Variants in OPRD1 observed in about 807,000 individuals in gnomAD.
OPRD1 encodes delta-type opioid receptor.
Under a neutral mutation model 17.5 loss-of-function variants are expected in OPRD1, and 19 were observed. The observed-to-expected ratio is 1.09, with a 90% CI of 0.76 to 1.60. The LOEUF is 1.60. Ranked by LOEUF, OPRD1 falls within the 40% of genes most tolerant of loss-of-function variation. The pLI is 0.00. For missense variants in OPRD1, 483 were observed against 547.2 expected (o/e 0.88, Z 1.17); for synonymous variants, 256 against 240.9 (o/e 1.06, Z -0.58).
intron 1 of OPRD1, among the ~76,000 whole-genome samples, chr1:28,842,063 TCTGTTGCCCAGG>T (rs1366373251): frequency 6.6e-6 from 1 of 151,744 alleles, no homozygotes; most frequent in Non-Finnish European, 1.5e-5. Flanking sequence ...AGGGTTTCAC[TCTGTTGCCCAGG>T]CTGGAGTGCA....
At position 28,862,563 on chromosome 1, in the gene OPRD1, A is replaced by T. The variant is rs565447055; in HGVS notation, c.578-179A>T. 2.0e-5 allele frequency among the ~76,000 whole-genome samples: 3 copies of T among 151,274 alleles called. No homozygotes were observed. The South Asian group carries it at 6.2e-4, about 31-fold the overall frequency. ...CCTGCTAGGTCTTTACGGATAACTAAGAGTTCACCAAGTACCGAAGCCGAG... is the reference window on the plus strand; with the variant it reads ...CCTGCTAGGTCTTTACGGATAACTATGAGTTCACCAAGTACCGAAGCCGAG... On this transcript the variant is annotated intron_variant, in intron 2 of 2. Coordinates refer to ENST00000234961, the MANE Select transcript of OPRD1 (RefSeq NM_000911.4).
In OPRD1 at chr1:28,815,931, A is replaced by G. The variant is rs2088668976; in HGVS notation, c.227+3321A>G. On this transcript the variant is annotated intron_variant, in intron 1 of 2. Transcript: ENST00000234961. ...ACCAGACATATCTGAGTTCAAAGCCACTTACTTGCTGTGTACTCGGGCTAG... is the reference window on the plus strand; with the variant it reads ...ACCAGACATATCTGAGTTCAAAGCCGCTTACTTGCTGTGTACTCGGGCTAG... Among the ~76,000 whole-genome samples the G allele has an allele frequency of 2.7e-5, 4 of 149,628 alleles. No homozygotes were observed. In the South Asian group the frequency reaches 8.5e-4, roughly 32 times the overall value.
rs908800277 is a variant in OPRD1, at chr1:28,870,012, C to T, written c.*6729C>T. On this transcript the variant is annotated 3_prime_UTR_variant, in exon 3 of 3. Transcript: ENST00000234961. ...CATTTCTCAGTCATGGATGACAGCA[C>T]TTAGCTGATGAGAAGTTGAGAAGAT... The T allele has an allele frequency of 6.6e-6, 1 of 152,136 alleles. No homozygotes were observed. The highest frequency in any genetic ancestry group is 1.5e-5 in the Non-Finnish European group (1 of 68,042). The allele number at this position is 152,136 out of a possible 1,614,324, so 9.4% of individuals were successfully genotyped here. A position where few individuals can be genotyped will look rare whatever the true frequency, so the allele number is the denominator to read the frequency against.
chr1:28,850,935 T>C (rs1336077129), intron 1 of OPRD1, among the ~76,000 whole-genome samples: 1 of 151,738 alleles, frequency 6.6e-6, no homozygotes, highest in Non-Finnish European at 1.5e-5. Flanking sequence ...GGAGGCCCAA[T>C]ATCTGACTAA....
intron 1 of OPRD1, among the ~76,000 whole-genome samples, chr1:28,855,538 T>C (rs1336913708): frequency 6.7e-6 from 1 of 148,304 alleles, no homozygotes; most frequent in East Asian, 2.0e-4. Flanking sequence ...GGACGGGGCG[T>C]GGCTGTGGGT....
chr1:28,846,618 G>A (rs2088945811), intron 1 of OPRD1, among the ~76,000 whole-genome samples: 1 of 151,684 alleles, frequency 6.6e-6, no homozygotes. Context: ...AGGAGGTGGA[G>A]GTTGCAGTGA....
Position 28,868,682 on chromosome 1 carries a change from A to C in OPRD1, c.*5399A>C, listed in dbSNP as rs977713693. 1.3e-5 allele frequency: 2 copies of C among 152,068 alleles called. No individual in the cohort carries two copies. Among genetic ancestry groups the C allele is most frequent in the African/African-American group, 4.8e-5 (2 of 41,362 alleles). 9.4% of individuals were successfully genotyped at this position (152,068 alleles called of 1,614,324 possible). ...TGGTGAAACCCTGTCTGTACTAAAA[A>C]CACAAAAATTAGCCAGGCGTGGTGG... On this transcript the variant is annotated 3_prime_UTR_variant, in exon 3 of 3. Transcript: ENST00000234961.
intron 2 of OPRD1, 37 bp downstream of exon 2, chr1:28,859,340 C>CCACAA: frequency 6.4e-7 from 1 of 1,558,144 alleles, no homozygotes; most frequent in Non-Finnish European, 8.7e-7. Flanking sequence ...AGGCCACTGA[C>CCACAA]CACAGGAGGC....
intron 1 of OPRD1, among the ~76,000 whole-genome samples, chr1:28,846,690 GA>G (rs61593060): frequency 0.35 from 39,962 of 113,798 alleles, 5,699 homozygotes; most frequent in Middle Eastern, 0.47. Context: ...CTCAAAAAAA[GA>G]AAAAAAAAAA....
chr1:28,830,470 G>A (rs535138089), intron 1 of OPRD1, among the ~76,000 whole-genome samples: 1 of 152,240 alleles, frequency 6.6e-6, no homozygotes, highest in South Asian at 2.1e-4. Flanking sequence ...GCTGCAGTGG[G>A]CTGTGATAGT....
chr1:28,859,117 A>G lies in OPRD1; in HGVS notation c.391A>G (p.Asn131Asp). ...CKAVLSIDYY[N>D]MFTSIFTLTM... ...GGCTGTGCTCTCCATCGACTACTAC[A>G]ATATGTTCACCAGCATCTTCACGCT... Residue 131 changes from asparagine to aspartate, a missense_variant, in exon 2 of 3, where the codon AAT becomes GAT. Asn to Asp is a conservative substitution (Grantham distance 23, BLOSUM62 1). Coordinates refer to ENST00000234961, the MANE Select transcript of OPRD1 (RefSeq NM_000911.4). 1 of 1,614,192 alleles carries G rather than the reference A, an allele frequency of 6.2e-7. No homozygotes were observed. Among genetic ancestry groups the G allele is most frequent in the Non-Finnish European group, 8.5e-7 (1 of 1,180,046 alleles).
At chr1:28,854,580 G>A (rs1332658688) in intron 1 of OPRD1, among the ~76,000 whole-genome samples, 3 of 152,044 alleles carry the variant, frequency 2.0e-5, no homozygotes, top group Non-Finnish European at 4.4e-5. Context: ...GGGAGAGGGA[G>A]GCTGCCGCAG....
chr1:28,831,261 C>T (rs1308720605), intron 1 of OPRD1, among the ~76,000 whole-genome samples: 2 of 152,174 alleles, frequency 1.3e-5, no homozygotes, highest in African/African-American at 4.8e-5. Context: ...CCTGTAAGCC[C>T]AGCAATTTGG....
chr1:28,850,539 TCTCCAA>T (rs1175303472), intron 1 of OPRD1, among the ~76,000 whole-genome samples: 3 of 151,404 alleles, frequency 2.0e-5, no homozygotes, highest in African/African-American at 7.3e-5. Context: ...GTCAGGCTGG[TCTCCAA>T]CTCCTAACCT....
At chr1:28,847,936 CA>C (rs1033388366) in intron 1 of OPRD1, among the ~76,000 whole-genome samples, 2 of 151,382 alleles carry the variant, frequency 1.3e-5, no homozygotes, top group East Asian at 1.9e-4. Flanking sequence ...AAACAAAAAA[CA>C]AAAAAAACCC....
chr1:28,831,412 G>T (rs1484720034), intron 1 of OPRD1, among the ~76,000 whole-genome samples: 2 of 152,030 alleles, frequency 1.3e-5, no homozygotes, highest in Non-Finnish European at 2.9e-5. Flanking sequence ...AGAAGGCTGA[G>T]GCAGGAGAAT....
Position 28,863,241 on chromosome 1 carries a change from C to G in OPRD1, c.1077C>G (p.Ala359=). Residue 359 remains alanine (A), a synonymous_variant, in exon 3 of 3, where the codon GCC becomes GCG. Transcript: ENST00000234961. ...REATARERVT[A]CTPSDGPGGG... Reference sequence around the variant, plus strand: ...CCACGGCCCGCGAGCGTGTCACCGCCTGCACCCCGTCCGATGGTCCCGGCG... The same window carrying G: ...CCACGGCCCGCGAGCGTGTCACCGCGTGCACCCCGTCCGATGGTCCCGGCG... 6.5e-7 allele frequency: 1 copy of G among 1,544,452 alleles called. No individual in the cohort carries two copies. The highest frequency in any genetic ancestry group is 2.0e-5 in the Admixed American group (1 of 50,624).
At chr1:28,834,719 G>C (rs936383160) in intron 1 of OPRD1, among the ~76,000 whole-genome samples, 1 of 152,146 alleles carries the variant, frequency 6.6e-6, no homozygotes, top group African/African-American at 2.4e-5. Context: ...TTGTTAACGA[G>C]ATTTGGTCTG....
intron 1 of OPRD1, among the ~76,000 whole-genome samples, chr1:28,854,308 C>G (rs614824): frequency 0.42 from 63,366 of 151,868 alleles, 15,830 homozygotes; most frequent in East Asian, 0.83. Context: ...CTCACTGCAG[C>G]CTCCAACTCC....
Sources: allele counts gnomAD v4.1 joint callset (sites outside exome capture counted in the v4.1 genomes callset), GRCh38; gene constraint gnomAD v4.1.1; transcripts MANE v1.5; gene names NCBI Gene and HGNC (gene_info 2026-07-23, HGNC 2026-07-21).